CPS1: variants seen among roughly 807,000 people sequenced by gnomAD.
The protein encoded by CPS1 is carbamoyl-phosphate synthase 1.
CPS1 carries 109 observed loss-of-function variants against 174.6 expected under a neutral mutation model. The ratio of observed to expected loss-of-function variants is 0.62; its 90% CI spans 0.53 to 0.73. CPS1 has a LOEUF of 0.73. Ranked by LOEUF, CPS1 falls within the 30% of genes least tolerant of loss-of-function variation. The pLI, the probability that CPS1 is intolerant of heterozygous loss-of-function variation, is 0.00. For missense variants in CPS1, 1,689 were observed against 1,821.9 expected, an observed-to-expected ratio of 0.93 and a Z score of 1.33; for synonymous variants, 637 against 632.0, an observed-to-expected ratio of 1.01 and a Z score of -0.12.
chr2:210,543,692 A>G (rs1485191836), intron 1 of CPS1, among the ~76,000 whole-genome samples: 2 of 152,104 alleles, frequency 1.3e-5, no homozygotes, highest in Non-Finnish European at 2.9e-5. Context: ...TAATATACTG[A>G]AAGCTCCAAT....
rs150485422 is a variant in CPS1, at chr2:210,640,009, A to G, written c.2909A>G (p.Asn970Ser). ...TTATTTCCTCAGGAGCATGATGTCA[A>G]TTTTGATGACCATGGAATGATGGTG... The part of the protein sequence containing the change: ...VTYNGQEHDV[N>S]FDDHGMMVLG... The change falls in exon 24 of 38, where the codon AAT becomes AGT. Residue 970 changes from asparagine (N) to serine (S), a missense_variant. Asn to Ser is a conservative substitution (Grantham distance 46). Transcript: ENST00000233072. 299 of 1,611,220 alleles carry G rather than the reference A, an allele frequency of 1.9e-4. No individual in the cohort carries two copies. The highest frequency in any genetic ancestry group is 1.3e-3 in the African/African-American group (97 of 74,954).
upstream of CPS1, among the ~76,000 whole-genome samples, chr2:210,554,031 A>G (rs1696797916): frequency 6.7e-6 from 1 of 150,258 alleles, no homozygotes; most frequent in Non-Finnish European, 1.5e-5. Flanking sequence ...CTCCTCCTTC[A>G]TTCTGATGAC....
At chr2:210,600,797 G>A in intron 15 of CPS1, 85 bp downstream of exon 15, 1 of 1,387,654 alleles carries the variant, frequency 7.2e-7, no homozygotes, top group Admixed American at 1.7e-5. Context: ...AATAATAATA[G>A]TTAAGATTAT....
intron 1 of CPS1, among the ~76,000 whole-genome samples, chr2:210,548,158 T>C (rs1262943918): frequency 6.6e-6 from 1 of 152,056 alleles, no homozygotes. Context: ...GAGTCACTAA[T>C]ATAGTACTAA....
intron 1 of CPS1, among the ~76,000 whole-genome samples, chr2:210,557,769 C>T (rs1696962248): frequency 6.6e-6 from 1 of 152,000 alleles, no homozygotes; most frequent in Non-Finnish European, 1.5e-5. Flanking sequence ...AAACCTCTGT[C>T]TGTTGATGTG....
At chr2:210,535,369 C>T (rs77892849) in intron 1 of CPS1, among the ~76,000 whole-genome samples, 3,550 of 152,224 alleles carry the variant, frequency 0.023, 141 homozygotes, top group African/African-American at 0.081. Context: ...CGTTCCCCTC[C>T]CAATCCCTCC....
At chr2:210,651,613 C>A (rs893512158) in intron 28 of CPS1, among the ~76,000 whole-genome samples, 1 of 152,186 alleles carries the variant, frequency 6.6e-6, no homozygotes, top group African/African-American at 2.4e-5. Context: ...GCCTCGAACA[C>A]TCCTTATAGG....
intron 1 of CPS1, among the ~76,000 whole-genome samples, chr2:210,489,027 T>A (rs1694796565): frequency 1.3e-5 from 2 of 152,192 alleles, no homozygotes; most frequent in Admixed American, 6.5e-5. Flanking sequence ...TTAAGAATTA[T>A]GAAAATTTAT....
intron 1 of CPS1, among the ~76,000 whole-genome samples, chr2:210,498,032 A>G (rs1359687554): frequency 2.0e-5 from 3 of 151,358 alleles, no homozygotes; most frequent in Non-Finnish European, 2.9e-5. Context: ...CATTCCCATC[A>G]ACAGTGTATA....
At chr2:210,494,278 C>T (rs1042109223) in intron 1 of CPS1, among the ~76,000 whole-genome samples, 9 of 152,314 alleles carry the variant, frequency 5.9e-5, no homozygotes, top group South Asian at 4.1e-4. Context: ...AAAACATCAT[C>T]GCATAGATGC....
intron 7 of CPS1, 124 bp downstream of exon 7, chr2:210,588,271 T>C: frequency 1.2e-6 from 1 of 820,228 alleles, no homozygotes; most frequent in Non-Finnish European, 2.1e-6. Context: ...ACATTCTTCT[T>C]GTTGCTTTTG....
chr2:210,668,426 T>C lies in CPS1; in HGVS notation c.4101+142T>C, dbSNP rs867111187. 4.0e-5 allele frequency: 29 copies of C among 720,918 alleles called. No individual in the cohort carries two copies. In the African/African-American group the frequency reaches 4.7e-4, roughly 12 times the overall value. 44.7% of individuals were successfully genotyped at this position (720,918 alleles called of 1,614,324 possible). A position where few individuals can be genotyped will look rare whatever the true frequency, so the allele number is the denominator to read the frequency against. ...TGGCAACTTCCAGGAAGAAGGGACATTTGTTCTCTATTTGCTTCCTGATTT... is the reference window on the plus strand; with the variant it reads ...TGGCAACTTCCAGGAAGAAGGGACACTTGTTCTCTATTTGCTTCCTGATTT... On this transcript the variant is annotated intron_variant, in intron 34 of 37. Transcript: ENST00000233072.
chr2:210,493,549 C>T (rs1475793093), intron 1 of CPS1, among the ~76,000 whole-genome samples: 1 of 152,132 alleles, frequency 6.6e-6, no homozygotes, highest in Non-Finnish European at 1.5e-5. Context: ...ATATATTCTA[C>T]AGGAAGTGGC....
chr2:210,547,965 G>A (rs1696606447), intron 1 of CPS1, among the ~76,000 whole-genome samples: 1 of 151,924 alleles, frequency 6.6e-6, no homozygotes, highest in Non-Finnish European at 1.5e-5. Flanking sequence ...AATAAGATAA[G>A]TGTTAATTAG....
intron 1 of CPS1, among the ~76,000 whole-genome samples, chr2:210,561,879 A>G (rs1013254128): frequency 2.6e-5 from 4 of 152,122 alleles, no homozygotes; most frequent in Admixed American, 1.3e-4. Flanking sequence ...TTTAAATTTC[A>G]TAGGGAGGTA....
At chr2:210,494,543 T>C (rs1694944221) in intron 1 of CPS1, among the ~76,000 whole-genome samples, 1 of 152,216 alleles carries the variant, frequency 6.6e-6, no homozygotes, top group African/African-American at 2.4e-5. Context: ...ACGGCCCTAT[T>C]GTCAAGATTT....
intron 5 of CPS1, among the ~76,000 whole-genome samples, chr2:210,580,602 C>T (rs1697891521): frequency 6.6e-6 from 1 of 152,016 alleles, no homozygotes; most frequent in Admixed American, 6.6e-5. Context: ...TGGGTCATGC[C>T]TGTAATCCCA....
chr2:210,588,538 T>C (rs906617784), intron 7 of CPS1, among the ~76,000 whole-genome samples: 1 of 152,116 alleles, frequency 6.6e-6, no homozygotes, highest in Admixed American at 6.6e-5. Flanking sequence ...GTAGGAATCA[T>C]GCCCTGACAG....
Position 210,678,159 on chromosome 2 carries a change from A to G in CPS1, c.*174A>G, listed in dbSNP as rs1701595039. On this transcript the variant is annotated 3_prime_UTR_variant, in exon 38 of 38. Coordinates refer to ENST00000233072, the MANE Select transcript of CPS1 (RefSeq NM_001875.5). ...CAATTAAATTGTCAGTCACTTCTTC[A>G]AAACCTTACAGTCCTTCCTAAGTTA... 1.4e-6 allele frequency: 1 copy of G among 696,248 alleles called. No individual in the cohort carries two copies. The highest frequency in any genetic ancestry group is 1.8e-5 in the African/African-American group (1 of 56,950). 43.1% of individuals were successfully genotyped at this position (696,248 alleles called of 1,614,324 possible).
Sources: gnomAD v4.1 joint callset for allele counts (sites outside exome capture counted in the v4.1 genomes callset) on GRCh38, gnomAD v4.1.1 for gene constraint, MANE v1.5 for transcripts, NCBI Gene and HGNC (gene_info 2026-07-23, HGNC 2026-07-21) for gene names.